The following BASP1 variants were observed in gnomAD, a reference collection of about 807,000 sequenced individuals.
BASP1 encodes the protein brain acid soluble protein 1.
A neutral mutation model predicts 2.2 loss-of-function variants in BASP1; 1 was observed. The observed-to-expected ratio is 0.46, with a 90% CI of 0.16 to 2.17. The LOEUF is 2.17. Ranked by LOEUF, BASP1 falls within the 30% of genes most tolerant of loss-of-function variation. The pLI, the probability that BASP1 is intolerant of heterozygous loss-of-function variation, is 0.27. For synonymous variants in BASP1, 187 were observed against 154.2 expected (o/e 1.21, Z -1.58); for missense variants, 352 against 327.2 (o/e 1.08, Z -0.58).
At chr5:17,254,674 T>C (rs1740165202) in intron 1 of BASP1, among the ~76,000 whole-genome samples, 1 of 152,220 alleles carries the variant, frequency 6.6e-6, no homozygotes, top group African/African-American at 2.4e-5. Flanking sequence ...TTGGAGAAGA[T>C]TTGCAGATCC....
chr5:17,220,072 T>C (rs1318076477), intron 1 of BASP1, among the ~76,000 whole-genome samples: 3 of 152,222 alleles, frequency 2.0e-5, no homozygotes, highest in Non-Finnish European at 4.4e-5. Context: ...CCAAATATGA[T>C]ATTTTTTGCA....
chr5:17,266,455 T>C (rs1394740421), intron 1 of BASP1, among the ~76,000 whole-genome samples: 1 of 152,164 alleles, frequency 6.6e-6, no homozygotes, highest in Non-Finnish European at 1.5e-5. Flanking sequence ...AATCTTTGCC[T>C]TATTGTGTTT....
rs573493847 is a variant in BASP1, at chr5:17,275,746, C to T, written c.530C>T (p.Ser177Leu). Residue 177 changes from serine to leucine, a missense_variant, in exon 2 of 2, where the codon TCG (serine) becomes TTG (leucine). Physicochemically the swap from Ser to Leu is moderately radical, Grantham distance 145. Transcript: ENST00000322611. The surrounding 1 kb of genome is among the most constrained non-coding windows in gnomAD (Gnocchi z 5.3). ...GCTTCAGACTCAAAACCCGGCAGCT[C>T]GGAGGCTGCCCCCTCTTCCAAGGAG... ...APASDSKPGS[S>L]EAAPSSKETP... 6.2e-7 allele frequency: 1 copy of T among 1,612,202 alleles called. No individual in the cohort carries two copies. Among genetic ancestry groups the T allele is most frequent in the Non-Finnish European group, 8.5e-7 (1 of 1,179,490 alleles).
intron 1 of BASP1, among the ~76,000 whole-genome samples, chr5:17,263,139 A>C (rs1579500063): frequency 1.3e-5 from 2 of 152,284 alleles, no homozygotes; most frequent in South Asian, 2.1e-4. Flanking sequence ...GAGCCACTGC[A>C]CCCAGCCCTA....
intron 1 of BASP1, among the ~76,000 whole-genome samples, chr5:17,267,006 C>T (rs1740427754): frequency 6.6e-6 from 1 of 152,138 alleles, no homozygotes; most frequent in Non-Finnish European, 1.5e-5. Flanking sequence ...TTATTTTTCT[C>T]AACGTTTCTA....
chr5:17,256,875 C>T (rs975367957), intron 1 of BASP1, among the ~76,000 whole-genome samples: 38 of 152,176 alleles, frequency 2.5e-4, no homozygotes, highest in African/African-American at 8.9e-4. Context: ...GATTTTATAG[C>T]TGTGGGTGGA....
In BASP1 at chr5:17,245,042, G is replaced by A. The variant is rs181975024; in HGVS notation, c.-10+27232G>A. Among the ~76,000 whole-genome samples, 385 of 147,524 alleles carry A rather than the reference G, an allele frequency of 2.6e-3. 2 individuals are homozygous for A. The highest frequency in any genetic ancestry group is 9.0e-3 in the African/African-American group (365 of 40,582). ...TGTTGAGCCGGGTGCAGTGGCTCAC[G>A]CCTGTAATCCCAGCACTTTGGGAGG... On this transcript the variant is annotated intron_variant, in intron 1 of 1. Transcript: ENST00000322611.
chr5:17,221,465 G>A (rs868182332), intron 1 of BASP1, among the ~76,000 whole-genome samples: 1 of 150,002 alleles, frequency 6.7e-6, no homozygotes, highest in Admixed American at 6.7e-5. Context: ...AAAGAAATGC[G>A]TTGATTTGTC....
At position 17,274,168 on chromosome 5, in the gene BASP1, T is replaced by C. The variant is rs370222789; in HGVS notation, c.-9-1040T>C. On this transcript the variant is annotated intron_variant, in intron 1 of 1. Transcript: ENST00000322611. ...GCCTTAAGACAGTTGTTAATGACCA[T>C]TGAACGTGCATGTATAGTTTGAATT... 7.2e-5 allele frequency among the ~76,000 whole-genome samples: 11 copies of C among 152,340 alleles called. No homozygotes were observed. The East Asian group carries it at 1.2e-3, about 16-fold the overall frequency.
intron 1 of BASP1, among the ~76,000 whole-genome samples, chr5:17,239,911 G>A (rs1430899479): frequency 6.6e-6 from 1 of 151,922 alleles, no homozygotes; most frequent in Non-Finnish European, 1.5e-5. Context: ...GTCTAGTTTT[G>A]TAGTCAGAAC....
rs1210474290 is a variant in BASP1, at chr5:17,260,127, A to G, written c.-9-15081A>G. Reference sequence around the variant, plus strand: ...TGAAAGGACCACCCGTTAAGTGCAAATAAATAACAATGTGAACACACAGCA... The same window carrying G: ...TGAAAGGACCACCCGTTAAGTGCAAGTAAATAACAATGTGAACACACAGCA... On this transcript the variant is annotated intron_variant, in intron 1 of 1. Coordinates refer to ENST00000322611, the MANE Select transcript of BASP1 (RefSeq NM_006317.5). This position sits in a 1 kb window ranked among gnomAD's most constrained non-coding sequence, Gnocchi z 4.2. 1.3e-5 allele frequency among the ~76,000 whole-genome samples: 2 copies of G among 152,256 alleles called. No individual in the cohort carries two copies. Among genetic ancestry groups the G allele is most frequent in the Non-Finnish European group, 2.9e-5 (2 of 68,044 alleles).
In BASP1 at chr5:17,275,600, C is replaced by A. The variant is rs1397419941; in HGVS notation, c.384C>A (p.Ala128=). The change falls in exon 2 of 2, where the codon GCC becomes GCA. Residue 128 remains alanine, a synonymous_variant. Transcript: ENST00000322611. The surrounding 1 kb of genome is among the most constrained non-coding windows in gnomAD (Gnocchi z 5.3). ...EAPKAAEAAA[A]PAESAAPAAG... ...CCAAAGCTGCTGAGGCCGCCGCGGC[C>A]CCGGCCGAGAGCGCGGCCCCTGCCG... 3 of 1,418,238 alleles carry A rather than the reference C, an allele frequency of 2.1e-6. No individual in the cohort carries two copies. Among genetic ancestry groups the A allele is most frequent in the Non-Finnish European group, 2.8e-6 (3 of 1,089,658 alleles). The allele number at this position is 1,418,238 out of a possible 1,614,324, so 87.9% of individuals were successfully genotyped here. A position where few individuals can be genotyped will look rare whatever the true frequency, so the allele number is the denominator to read the frequency against.
intron 1 of BASP1, among the ~76,000 whole-genome samples, chr5:17,220,166 C>A (rs1540603): frequency 0.012 from 1,780 of 152,210 alleles, 18 homozygotes; most frequent in African/African-American, 0.018. Flanking sequence ...CAATGGAAAT[C>A]ATCTCTTTTG....
intron 1 of BASP1, among the ~76,000 whole-genome samples, chr5:17,269,332 T>C (rs1360714055): frequency 3.9e-5 from 6 of 152,182 alleles, no homozygotes; most frequent in Admixed American, 3.3e-4. Flanking sequence ...TTGTAGGAAG[T>C]GAGACTCAGA....
intron 1 of BASP1, among the ~76,000 whole-genome samples, chr5:17,247,693 A>G (rs958469724): frequency 6.6e-6 from 1 of 152,164 alleles, no homozygotes; most frequent in Non-Finnish European, 1.5e-5. Context: ...TCTCAGCTGG[A>G]TTTAAGAAAT....
chr5:17,227,789 C>A (rs1213490607), intron 1 of BASP1, among the ~76,000 whole-genome samples: 3 of 152,298 alleles, frequency 2.0e-5, no homozygotes, highest in African/African-American at 7.2e-5. Context: ...AATCACCCAA[C>A]CTCAGGTAAA....
intron 1 of BASP1, among the ~76,000 whole-genome samples, chr5:17,223,452 C>A (rs951997191): frequency 6.6e-6 from 1 of 152,114 alleles, no homozygotes; most frequent in Non-Finnish European, 1.5e-5. Context: ...TTCAAAGAGA[C>A]CATTATTGCA....
In BASP1 at chr5:17,275,653, G is replaced by A. The variant is rs1579506951; in HGVS notation, c.437G>A (p.Gly146Glu). ...GGGGAGGAGCCCAGCAAGGAGGAAG[G>A]GGAACCCAAAAAGACTGAGGCGCCC... ...AAGEEPSKEE[G>E]EPKKTEAPAA... The change falls in exon 2 of 2, where the codon GGG becomes GAG. Residue 146 changes from glycine (G) to glutamate (E), a missense_variant. Gly to Glu is a moderately conservative substitution (Grantham distance 98, BLOSUM62 -2). Transcript: ENST00000322611. This position sits in a 1 kb window ranked among gnomAD's most constrained non-coding sequence, Gnocchi z 5.3. The A allele has an allele frequency of 6.5e-6, 10 of 1,539,470 alleles. No homozygotes were observed. Among genetic ancestry groups the A allele is most frequent in the Non-Finnish European group, 8.7e-6 (10 of 1,144,142 alleles).
intron 1 of BASP1, among the ~76,000 whole-genome samples, chr5:17,223,230 T>G (rs1739425717): frequency 6.6e-6 from 1 of 152,200 alleles, no homozygotes; most frequent in Non-Finnish European, 1.5e-5. Context: ...AGCCATTTAC[T>G]GGTTGTATGA....
Sources: allele counts gnomAD v4.1 joint callset (sites outside exome capture counted in the v4.1 genomes callset), GRCh38; gene constraint gnomAD v4.1.1; non-coding constraint Gnocchi (gnomAD v3.1); transcripts MANE v1.5; gene names NCBI Gene and HGNC (gene_info 2026-07-23, HGNC 2026-07-21).